LMBR1: variants seen among roughly 807,000 people sequenced by gnomAD.
LMBR1 encodes limb region 1 protein homolog.
In LMBR1, 52 loss-of-function variants were observed where a neutral mutation model predicts 73.9. That is an observed-to-expected ratio of 0.70 (90% CI 0.56 to 0.89). The LOEUF is 0.89. LMBR1 is among the 40% of genes least tolerant of loss of function. The pLI is 0.00. For synonymous variants in LMBR1, 215 were observed against 209.4 expected (o/e 1.03, Z -0.23); for missense variants, 539 against 579.8 (o/e 0.93, Z 0.72).
At chr7:156,711,815 T>C (rs1033615991) in intron 15 of LMBR1, among the ~76,000 whole-genome samples, 3 of 152,116 alleles carry the variant, frequency 2.0e-5, no homozygotes, top group African/African-American at 7.2e-5. Flanking sequence ...TAAAAGAAAC[T>C]GGACCCCTAT....
At chr7:156,863,602 A>G (rs916060720) in intron 1 of LMBR1, among the ~76,000 whole-genome samples, 1 of 152,134 alleles carries the variant, frequency 6.6e-6, no homozygotes, top group Non-Finnish European at 1.5e-5. Flanking sequence ...ACTTCCAAAC[A>G]GTTTTCTTAG....
In LMBR1 at chr7:156,669,519, G is replaced by C. The variant is rs914230233; in HGVS notation, n.867-232C>G. On this transcript the variant is annotated intron_variant and non_coding_transcript_variant, in intron 4 of 4. Transcript: ENST00000430825. The surrounding 1 kb of genome is among the most constrained non-coding windows in gnomAD (Gnocchi z 4.2). ...ACGGCTTAGCATGTGGGAGGGGCAG[G>C]CTGGCAGAGTGTGAGCCGCTGGGCA... is the stretch of plus-strand genomic sequence containing the variant. Among the ~76,000 whole-genome samples, 1 of 152,192 alleles carries C rather than the reference G, an allele frequency of 6.6e-6. No individual in the cohort carries two copies. Among genetic ancestry groups the C allele is most frequent in the African/African-American group, 2.4e-5 (1 of 41,456 alleles).
At chr7:156,873,583 G>A (rs1163025164) in intron 1 of LMBR1, among the ~76,000 whole-genome samples, 23 of 152,022 alleles carry the variant, frequency 1.5e-4, no homozygotes, top group Non-Finnish European at 8.8e-5. Context: ...TGATTGGTGC[G>A]TTTACAATCC....
chr7:156,727,488 C>T (rs1344691837), intron 12 of LMBR1, among the ~76,000 whole-genome samples: 1 of 152,044 alleles, frequency 6.6e-6, no homozygotes, highest in Non-Finnish European at 1.5e-5. Flanking sequence ...AGGGTAGTTT[C>T]TTGTCTGTCT....
At chr7:156,742,586 C>A (rs1819092282) in intron 9 of LMBR1, among the ~76,000 whole-genome samples, 2 of 152,152 alleles carry the variant, frequency 1.3e-5, no homozygotes, top group South Asian at 2.1e-4. Flanking sequence ...CCTAAACAGA[C>A]CATTAATAAG....
intron 8 of LMBR1, among the ~76,000 whole-genome samples, chr7:156,756,691 T>C (rs920355204): frequency 1.3e-5 from 2 of 152,202 alleles, no homozygotes; most frequent in Admixed American, 6.5e-5. Context: ...ACATTTAAAT[T>C]GGATATTTTT....
At chr7:156,889,436 G>T (rs1412056543) in intron 1 of LMBR1, among the ~76,000 whole-genome samples, 1 of 152,142 alleles carries the variant, frequency 6.6e-6, no homozygotes. Context: ...AGAAAGAATT[G>T]AATAATTTTA....
intron 5 of LMBR1, among the ~76,000 whole-genome samples, chr7:156,794,449 T>C (rs1409351785): frequency 6.6e-6 from 1 of 152,170 alleles, no homozygotes; most frequent in Non-Finnish European, 1.5e-5. Context: ...TTTTTTGTCA[T>C]TTTTTTCTTT....
intron 12 of LMBR1, among the ~76,000 whole-genome samples, 186 bp downstream of exon 12, chr7:156,727,744 A>T (rs944477037): frequency 4.6e-5 from 7 of 152,232 alleles, no homozygotes; most frequent in African/African-American, 1.7e-4. Flanking sequence ...TGTCAATCCA[A>T]AGTAAAAAAT....
At chr7:156,876,949 G>A (rs1309002077) in intron 1 of LMBR1, among the ~76,000 whole-genome samples, 1 of 151,770 alleles carries the variant, frequency 6.6e-6, no homozygotes, top group Non-Finnish European at 1.5e-5. Flanking sequence ...AAACCCAGCA[G>A]AAGAAAGAAA....
chr7:156,758,932 T>C (rs964934950), intron 8 of LMBR1, among the ~76,000 whole-genome samples: 3 of 152,218 alleles, frequency 2.0e-5, no homozygotes. Flanking sequence ...TCATCTCCAT[T>C]TTATATTCCA....
intron 5 of LMBR1, among the ~76,000 whole-genome samples, chr7:156,780,332 G>A (rs1292960259): frequency 6.6e-6 from 1 of 152,136 alleles, no homozygotes; most frequent in Non-Finnish European, 1.5e-5. Context: ...CCAGTTCATT[G>A]AATTAACATC....
At chr7:156,880,043 T>C (rs953431008) in intron 1 of LMBR1, among the ~76,000 whole-genome samples, 1 of 152,154 alleles carries the variant, frequency 6.6e-6, no homozygotes, top group African/African-American at 2.4e-5. Flanking sequence ...AAAAAGATAC[T>C]TGCATACACG....
At chr7:156,870,969 G>C (rs1444596690) in intron 1 of LMBR1, among the ~76,000 whole-genome samples, 3 of 150,798 alleles carry the variant, frequency 2.0e-5, no homozygotes, top group Admixed American at 6.6e-5. Context: ...GATTAGAGCA[G>C]AAATAAATAA....
At chr7:156,730,588 A>G (rs948041919) in intron 10 of LMBR1, among the ~76,000 whole-genome samples, 2 of 152,214 alleles carry the variant, frequency 1.3e-5, no homozygotes, top group Admixed American at 6.5e-5. Flanking sequence ...AACACCATGC[A>G]GAGTTTCTAT....
At chr7:156,859,725 C>A (rs1586283189) in intron 1 of LMBR1, among the ~76,000 whole-genome samples, 1 of 152,098 alleles carries the variant, frequency 6.6e-6, no homozygotes. Flanking sequence ...TCAGTTCTAC[C>A]CAATCTACTC....
intron 10 of LMBR1, among the ~76,000 whole-genome samples, chr7:156,729,566 C>T (rs183794350): frequency 1.8e-4 from 28 of 151,414 alleles, no homozygotes; most frequent in African/African-American, 6.1e-4. Context: ...GTCTGCCTGC[C>T]GGGTTCAAGT....
intron 5 of LMBR1, among the ~76,000 whole-genome samples, chr7:156,764,143 G>C (rs1263907254): frequency 6.6e-6 from 1 of 152,178 alleles, no homozygotes; most frequent in Non-Finnish European, 1.5e-5. Flanking sequence ...TTATGGCACA[G>C]AGCCAAACAG....
chr7:156,675,319 C>T (rs181750225), downstream of LMBR1, among the ~76,000 whole-genome samples: 4 of 152,302 alleles, frequency 2.6e-5, no homozygotes, highest in Non-Finnish European at 5.9e-5. Context: ...TCTTTGGAGA[C>T]GAGGGTGCCT....
Sources: gnomAD v4.1 joint callset for allele counts (sites outside exome capture counted in the v4.1 genomes callset) on GRCh38, gnomAD v4.1.1 for gene constraint, Gnocchi (gnomAD v3.1) non-coding constraint, MANE v1.5 for transcripts, NCBI Gene and HGNC (gene_info 2026-07-23, HGNC 2026-07-21) for gene names.